DHX36: variants seen among roughly 807,000 people sequenced by gnomAD.
DHX36 encodes the protein DEAH-box helicase 36, also known as ATP-dependent DNA/RNA helicase DHX36.
Under a neutral mutation model 139.0 loss-of-function variants are expected in DHX36, and 50 were observed. That is an observed-to-expected ratio of 0.36 (90% CI 0.29 to 0.46). The LOEUF (loss-of-function observed/expected upper bound fraction) is 0.46, where lower values mean the gene tolerates loss of function less well. Ranked by LOEUF, DHX36 falls within the 20% of genes least tolerant of loss-of-function variation. The pLI is 1.00. For missense variants in DHX36, 1,024 were observed against 1,211.3 expected (o/e 0.85, Z 2.29); for synonymous variants, 425 against 401.9 (o/e 1.06, Z -0.69).
At chr3:154,322,050 C>T (rs1033687047) in intron 1 of DHX36, among the ~76,000 whole-genome samples, 2 of 151,860 alleles carry the variant, frequency 1.3e-5, no homozygotes, top group Non-Finnish European at 2.9e-5. Flanking sequence ...AGAGCTGGGA[C>T]GAGCCCATTG....
At chr3:154,303,708 C>T (rs1443239749) in intron 8 of DHX36, among the ~76,000 whole-genome samples, 1 of 152,150 alleles carries the variant, frequency 6.6e-6, no homozygotes, top group Non-Finnish European at 1.5e-5. Context: ...AGTTAGAAGT[C>T]TATTTTCTCT....
In DHX36 at chr3:154,324,419, T is replaced by A; in HGVS notation, c.-3A>T. 1 of 1,507,344 alleles carries A rather than the reference T, an allele frequency of 6.6e-7. No individual in the cohort carries two copies. Among genetic ancestry groups the A allele is most frequent in the Non-Finnish European group, 8.9e-7 (1 of 1,127,934 alleles). The allele number at this position is 1,507,344 out of a possible 1,614,324, so 93.4% of individuals were successfully genotyped here. ...TTCTGATGGTAGTCATAACTCATTG[T>A]CCTGGCAGACTACAACCCGTCAGAA... is the stretch of plus-strand genomic sequence containing the variant. On this transcript the variant is annotated 5_prime_UTR_variant, in exon 1 of 25. Transcript: ENST00000496811.
chr3:154,317,857 GT>G (rs1265023965), intron 1 of DHX36, among the ~76,000 whole-genome samples: 1 of 151,882 alleles, frequency 6.6e-6, no homozygotes, highest in African/African-American at 2.4e-5. Context: ...GCAATCCACA[GT>G]AAAACTAATG....
At chr3:154,312,540 T>A (rs1559958501) in intron 3 of DHX36, among the ~76,000 whole-genome samples, 1 of 151,826 alleles carries the variant, frequency 6.6e-6, no homozygotes, top group Non-Finnish European at 1.5e-5. Flanking sequence ...ATAAACACCC[T>A]TTATTAAGAT....
rs536224601 is a variant in DHX36, at chr3:154,324,107, G to C, written c.243+67C>G. On this transcript the variant is annotated intron_variant, in intron 1 of 24. Coordinates refer to ENST00000496811, the MANE Select transcript of DHX36 (RefSeq NM_020865.3). ...ACTTAAGAAACAAAACCAAGAAAAA[G>C]GGGGCAGCGGGAGAGAGAAGAAAAC... 8.1e-6 allele frequency: 12 copies of C among 1,480,170 alleles called. No individual in the cohort carries two copies. In the Admixed American group the frequency reaches 2.4e-4, roughly 29 times the overall value. 91.7% of individuals were successfully genotyped at this position (1,480,170 alleles called of 1,614,324 possible). A position where few individuals can be genotyped will look rare whatever the true frequency, so the allele number is the denominator to read the frequency against.
chr3:154,282,532 CT>C (rs144193167), intron 20 of DHX36, among the ~76,000 whole-genome samples: 2,092 of 149,524 alleles, frequency 0.014, 41 homozygotes, highest in African/African-American at 0.048. Context: ...GCATTCCACT[CT>C]TTTTTTTTTC....
intron 5 of DHX36, among the ~76,000 whole-genome samples, chr3:154,306,901 A>G (rs1318136207): frequency 1.3e-5 from 2 of 152,182 alleles, no homozygotes; most frequent in Non-Finnish European, 2.9e-5. Flanking sequence ...TCCAATAAGT[A>G]TATCTAGTAT....
chr3:154,280,532 T>C, intron 22 of DHX36, 47 bp downstream of exon 22: 2 of 1,396,652 alleles, frequency 1.4e-6, no homozygotes, highest in Non-Finnish European at 1.0e-6. Flanking sequence ...ATTTCAAAAG[T>C]TTAAGAAGAG....
chr3:154,273,529 A>G lies in DHX36; in HGVS notation c.*2642T>C, dbSNP rs1476092116. On this transcript the variant is annotated 3_prime_UTR_variant, in exon 25 of 25. Coordinates refer to ENST00000496811, the MANE Select transcript of DHX36 (RefSeq NM_020865.3). ...AAAAGTAAGGGAAAAAAAAGCACAA[A>G]CAGAAACTCTTACAGAGCAAGAAAG... The G allele has an allele frequency of 6.6e-6, 1 of 152,208 alleles. No homozygotes were observed. Among genetic ancestry groups the G allele is most frequent in the Non-Finnish European group, 1.5e-5 (1 of 68,022 alleles). 9.4% of individuals were successfully genotyped at this position (152,208 alleles called of 1,614,324 possible). A position where few individuals can be genotyped will look rare whatever the true frequency, so the allele number is the denominator to read the frequency against.
intron 2 of DHX36, 40 bp from the exon 3 acceptor site, chr3:154,315,320 G>A: frequency 2.7e-6 from 4 of 1,462,398 alleles, no homozygotes; most frequent in Non-Finnish European, 3.8e-6. Flanking sequence ...GGTCAGATGA[G>A]CCACTCAAAC....
At chr3:154,310,836 T>TATATATATATATATGTATATAC (rs1712733559) in intron 4 of DHX36, among the ~76,000 whole-genome samples, 4 of 85,002 alleles carry the variant, frequency 4.7e-5, no homozygotes, top group African/African-American at 1.9e-4. Flanking sequence ...TATATATATA[T>TATATATATATATATGTATATAC]ATATATATAT....
Position 154,300,621 on chromosome 3 carries a change from G to A in DHX36, c.1434C>T (p.Leu478=). 6.2e-7 allele frequency: 1 copy of A among 1,613,638 alleles called. No individual in the cohort carries two copies. The highest frequency in any genetic ancestry group is 8.5e-7 in the Non-Finnish European group (1 of 1,179,762). The part of the protein sequence containing the change: ...DKVDLNLIVA[L]IRYIVLEEED... Reference sequence around the variant, plus strand: ...CTTCTTCCAAAACAATGTATCGGATGAGGGCAACAATCAAATTCAGATCAA... The same window carrying A: ...CTTCTTCCAAAACAATGTATCGGATAAGGGCAACAATCAAATTCAGATCAA... The change falls in exon 11 of 25, where the codon CTC becomes CTT. Residue 478 remains leucine, a synonymous_variant. Transcript: ENST00000496811.
Position 154,301,159 on chromosome 3 carries a change from T to C in DHX36, c.1218-32A>G, listed in dbSNP as rs758215526. ...TAAAAACATTCTTGAATATCTTCACTTTTTTGAAACTCTAGTTTTAGCTAA... is the reference window on the plus strand; with the variant it reads ...TAAAAACATTCTTGAATATCTTCACCTTTTTGAAACTCTAGTTTTAGCTAA... On this transcript the variant is annotated intron_variant, in intron 9 of 24. Transcript: ENST00000496811. 4.5e-6 allele frequency: 7 copies of C among 1,553,358 alleles called. No homozygotes were observed. The South Asian group carries it at 7.4e-5, about 16-fold the overall frequency.
In DHX36 at chr3:154,295,315, T is replaced by C; in HGVS notation, c.1574A>G (p.His525Arg). The C allele has an allele frequency of 6.5e-7, 1 of 1,541,192 alleles. No homozygotes were observed. The highest frequency in any genetic ancestry group is 8.8e-7 in the Non-Finnish European group (1 of 1,134,794). The change falls in exon 13 of 25, where the codon CAT becomes CGT. Residue 525 changes from histidine to arginine, a missense_variant. His to Arg is a conservative substitution (Grantham distance 29, BLOSUM62 0). Transcript: ENST00000496811. ...CTGGTTAACTGTAGGCATCAGTGAA[T>C]GTAAAGGTATAATTAAAAATTTATC... ...KSDKFLIIPLHSLMPTVNQTQ... is the reference protein window; with the variant it reads ...KSDKFLIIPLRSLMPTVNQTQ...
At chr3:154,307,936 T>C (rs1378725097) in intron 5 of DHX36, among the ~76,000 whole-genome samples, 1 of 152,146 alleles carries the variant, frequency 6.6e-6, no homozygotes, top group Non-Finnish European at 1.5e-5. Flanking sequence ...AATGGAATAC[T>C]ATTTAGCTGT....
At position 154,300,713 on chromosome 3, in the gene DHX36, C is replaced by CA; in HGVS notation, c.1359-18dup. ...GCAGAATACCTATCAAAGTTAAACACAAAGTCATGAAATACTTAATCAAGT... is the reference window on the plus strand; with the variant it reads ...GCAGAATACCTATCAAAGTTAAACACAAAAGTCATGAAATACTTAATCAAGT... On this transcript the variant is annotated splice_polypyrimidine_tract_variant and intron_variant, in intron 10 of 24. Coordinates refer to ENST00000496811, the MANE Select transcript of DHX36 (RefSeq NM_020865.3). The CA allele has an allele frequency of 6.3e-7, 1 of 1,578,312 alleles. No homozygotes were observed. Among genetic ancestry groups the CA allele is most frequent in the South Asian group, 1.1e-5 (1 of 87,738 alleles).
At chr3:154,288,345 C>A (rs1711633264) in intron 17 of DHX36, among the ~76,000 whole-genome samples, 1 of 151,136 alleles carries the variant, frequency 6.6e-6, no homozygotes, top group Admixed American at 6.6e-5. Context: ...AAGATGCATA[C>A]TTGTAAAAAC....
At chr3:154,290,756 G>C (rs1397164365) in intron 15 of DHX36, among the ~76,000 whole-genome samples, 1 of 151,756 alleles carries the variant, frequency 6.6e-6, no homozygotes, top group Non-Finnish European at 1.5e-5. Context: ...AAAAATCTTA[G>C]TTATTTTTTC....
At chr3:154,282,081 T>G (rs1329292020) in intron 20 of DHX36, among the ~76,000 whole-genome samples, 1 of 152,134 alleles carries the variant, frequency 6.6e-6, no homozygotes, top group Non-Finnish European at 1.5e-5. Flanking sequence ...ACACTTGGAT[T>G]CAGTTATGTT....
Sources: gnomAD v4.1 joint callset for allele counts (sites outside exome capture counted in the v4.1 genomes callset) on GRCh38, gnomAD v4.1.1 for gene constraint, MANE v1.5 for transcripts, NCBI Gene and HGNC (gene_info 2026-07-23, HGNC 2026-07-21) for gene names.